CPNE2: variants seen among roughly 807,000 people sequenced by gnomAD.
The protein encoded by CPNE2 is copine-2.
A neutral mutation model predicts 69.7 loss-of-function variants in CPNE2; 42 were observed. That is an observed-to-expected ratio of 0.60 (90% CI 0.47 to 0.78). CPNE2 has a LOEUF of 0.78. CPNE2 is among the 30% of genes least tolerant of loss of function. The pLI is 0.00. For missense variants in CPNE2, 587 were observed against 732.0 expected (o/e 0.80, Z 2.29); for synonymous variants, 294 against 289.8 (o/e 1.01, Z -0.15).
intron 1 of CPNE2, among the ~76,000 whole-genome samples, chr16:57,095,468 T>A (rs1275570009): frequency 6.6e-6 from 1 of 152,228 alleles, no homozygotes; most frequent in Non-Finnish European, 1.5e-5. Context: ...TTCCTTTTTT[T>A]ATTTTTTATT....
At chr16:57,097,701 G>A (rs2069586564) in intron 1 of CPNE2, among the ~76,000 whole-genome samples, 1 of 152,152 alleles carries the variant, frequency 6.6e-6, no homozygotes, top group Admixed American at 6.5e-5. Context: ...TCCCACCCAG[G>A]GGACCTCACA....
At chr16:57,128,434 C>T (rs2069815864) in intron 12 of CPNE2, among the ~76,000 whole-genome samples, 1 of 152,062 alleles carries the variant, frequency 6.6e-6, no homozygotes, top group Non-Finnish European at 1.5e-5. Flanking sequence ...ACCATGTTGA[C>T]CAGGCTGGTC....
intron 12 of CPNE2, among the ~76,000 whole-genome samples, chr16:57,133,219 C>G (rs1298203412): frequency 6.6e-6 from 1 of 152,168 alleles, no homozygotes; most frequent in African/African-American, 2.4e-5. Context: ...GAAGTGGGCC[C>G]TGGACAGGGA....
chr16:57,092,712 T>A lies in CPNE2; in HGVS notation c.-114T>A, dbSNP rs1172419312. ...GCGGGCCCGGCCGAGCAGGAGCAGC[T>A]CCCGGGGATGCCCGGGCGGCTCGGA... On this transcript the variant is annotated 5_prime_UTR_variant, in exon 1 of 16. Transcript: ENST00000290776. This position sits in a 1 kb window ranked among gnomAD's most constrained non-coding sequence, Gnocchi z 5.3. 6.7e-6 allele frequency: 1 copy of A among 149,558 alleles called. No individual in the cohort carries two copies. Among genetic ancestry groups the A allele is most frequent in the Non-Finnish European group, 1.5e-5 (1 of 67,204 alleles). 9.3% of individuals were successfully genotyped at this position (149,558 alleles called of 1,614,324 possible).
At chr16:57,105,233 A>T (rs987578715) in intron 1 of CPNE2, among the ~76,000 whole-genome samples, 2 of 152,148 alleles carry the variant, frequency 1.3e-5, no homozygotes, top group African/African-American at 4.8e-5. Context: ...CTTGAAGGTG[A>T]AATCAGCAGC....
chr16:57,132,443 G>C (rs370739835), intron 12 of CPNE2, among the ~76,000 whole-genome samples: 2 of 152,310 alleles, frequency 1.3e-5, no homozygotes, highest in East Asian at 3.9e-4. Context: ...GTCACTCTGA[G>C]ATCCCTTGGG....
chr16:57,122,971 A>G (rs1302809011), intron 9 of CPNE2, among the ~76,000 whole-genome samples: 7 of 152,092 alleles, frequency 4.6e-5, no homozygotes, highest in African/African-American at 1.7e-4. Context: ...TACCAAAATT[A>G]AAAGATCTGC....
Position 57,137,230 on chromosome 16 carries a change from T to C in CPNE2, c.1250T>C (p.Val417Ala). The change falls in exon 14 of 16, where the codon GTC becomes GCC. Residue 417 changes from valine (V) to alanine (A), a missense_variant. Around this residue, in one of 5 missense-constraint regions of CPNE2, gnomAD observed 185 missense variants for 252.3 expected, o/e 0.73. Coordinates refer to ENST00000290776, the MANE Select transcript of CPNE2 (RefSeq NM_152727.6). ...GGTCCTACCAATTTCTCCCCCATCG[T>C]CAACCACGTGGCCCGGTTTGCGGCC... ...FYGPTNFSPI[V>A]NHVARFAAQA... 6.2e-7 allele frequency: 1 copy of C among 1,614,210 alleles called. No individual in the cohort carries two copies. Among genetic ancestry groups the C allele is most frequent in the Non-Finnish European group, 8.5e-7 (1 of 1,180,032 alleles).
chr16:57,123,402 G>C lies in CPNE2; in HGVS notation c.868-12G>C. 1 of 1,612,268 alleles carries C rather than the reference G, an allele frequency of 6.2e-7. No homozygotes were observed. Among genetic ancestry groups the C allele is most frequent in the Non-Finnish European group, 8.5e-7 (1 of 1,179,978 alleles). On this transcript the variant is annotated splice_polypyrimidine_tract_variant and intron_variant, in intron 9 of 15. Transcript: ENST00000290776. ...GTCAAGGGGACCCACTGACTCATCC[G>C]CTTTCTTCCAGATAAACCGAGACTA...
intron 2 of CPNE2, among the ~76,000 whole-genome samples, chr16:57,111,637 C>T (rs1043279479): frequency 1.6e-4 from 24 of 152,204 alleles, no homozygotes; most frequent in African/African-American, 5.5e-4. Context: ...GATGCTACTC[C>T]CTGCTGTGTG....
intron 1 of CPNE2, among the ~76,000 whole-genome samples, chr16:57,100,473 G>T (rs147193258): frequency 6.6e-6 from 1 of 152,210 alleles, no homozygotes; most frequent in African/African-American, 2.4e-5. Context: ...TCTGCAGTGC[G>T]TCAAGCATTT....
At chr16:57,123,837 C>G in intron 10 of CPNE2, 1 of 310,854 alleles carries the variant, frequency 3.2e-6, no homozygotes, top group South Asian at 5.5e-5. Context: ...TCTAACCACA[C>G]TCTTCCTCTG....
chr16:57,122,545 C>A (rs935499073), intron 9 of CPNE2, among the ~76,000 whole-genome samples: 5 of 152,190 alleles, frequency 3.3e-5, no homozygotes, highest in African/African-American at 1.2e-4. Flanking sequence ...ATTTCTGGCA[C>A]CTGCCTTACT....
chr16:57,117,704 G>A lies in CPNE2; in HGVS notation c.507+137G>A, dbSNP rs114230847. The A allele has an allele frequency of 4.0e-3, 3,685 of 918,416 alleles. 69 individuals carry two copies. The African/African-American group carries it at 0.049, about 12-fold the overall frequency. 56.9% of individuals were successfully genotyped at this position (918,416 alleles called of 1,614,324 possible). On this transcript the variant is annotated intron_variant, in intron 5 of 15. Coordinates refer to ENST00000290776, the MANE Select transcript of CPNE2 (RefSeq NM_152727.6). ...ACTGGTCCAGCACGGGGCCCTCCTG[G>A]CCACTCCAGATTAGGACTCCTTCAC...
chr16:57,133,375 A>T (rs1033619543), intron 12 of CPNE2, among the ~76,000 whole-genome samples: 1 of 151,780 alleles, frequency 6.6e-6, no homozygotes, highest in African/African-American at 2.4e-5. Flanking sequence ...GCCAGACTGA[A>T]CCCCACTGCT....
chr16:57,113,177 GCC>G (rs1397350897), intron 2 of CPNE2, 109 bp from the exon 3 acceptor site: 2 of 992,176 alleles, frequency 2.0e-6, no homozygotes, highest in Non-Finnish European at 3.0e-6. Flanking sequence ...GACCACAAGA[GCC>G]TGGCACAGAG....
Position 57,146,892 on chromosome 16 carries a change from G to T in CPNE2, c.1539+571G>T, listed in dbSNP as rs1309315796. On this transcript the variant is annotated intron_variant, in intron 15 of 15. Transcript: ENST00000290776. This position sits in a 1 kb window ranked among gnomAD's most constrained non-coding sequence, Gnocchi z 4.4. ...CCTCCTGATCACTGCCCTAGCAGCAGGGTCCATGAGGAGTCCCATAGGGGA... is the reference window on the plus strand; with the variant it reads ...CCTCCTGATCACTGCCCTAGCAGCATGGTCCATGAGGAGTCCCATAGGGGA... The T allele has an allele frequency of 6.3e-6, 1 of 158,572 alleles. No individual in the cohort carries two copies. Among genetic ancestry groups the T allele is most frequent in the African/African-American group, 2.4e-5 (1 of 41,468 alleles). 9.8% of individuals were successfully genotyped at this position (158,572 alleles called of 1,614,324 possible). A position where few individuals can be genotyped will look rare whatever the true frequency, so the allele number is the denominator to read the frequency against.
intron 1 of CPNE2, among the ~76,000 whole-genome samples, chr16:57,102,232 G>A (rs2069619341): frequency 6.6e-6 from 1 of 152,158 alleles, no homozygotes; most frequent in African/African-American, 2.4e-5. Flanking sequence ...TAACAGGAGT[G>A]AGCCACCGCA....
chr16:57,102,354 A>G lies in CPNE2; in HGVS notation c.-35-8354A>G, dbSNP rs375353332. On this transcript the variant is annotated intron_variant, in intron 1 of 15. Coordinates refer to ENST00000290776, the MANE Select transcript of CPNE2 (RefSeq NM_152727.6). ...ACCACAGGAGCCTCTGCTATCAGAG[A>G]TGAGACCCCACTGCCAGGATATGCT... Among the ~76,000 whole-genome samples, 9 of 152,210 alleles carry G rather than the reference A, an allele frequency of 5.9e-5. No homozygotes were observed. The East Asian group carries it at 1.7e-3, about 29-fold the overall frequency.
Sources: gnomAD v4.1 joint callset for allele counts (sites outside exome capture counted in the v4.1 genomes callset) on GRCh38, gnomAD v4.1.1 for gene constraint, gnomAD v4.1.1 regional missense constraint, Gnocchi (gnomAD v3.1) non-coding constraint, MANE v1.5 for transcripts, NCBI Gene and HGNC (gene_info 2026-07-23, HGNC 2026-07-21) for gene names.